The following ERAP1 variants were observed in gnomAD, a reference collection of about 807,000 sequenced individuals.
ERAP1 encodes the protein adipocyte-derived leucine aminopeptidase.
A neutral mutation model predicts 103.7 loss-of-function variants in ERAP1; 86 were observed. The observed-to-expected ratio is 0.83, with a 90% CI of 0.70 to 0.99. The LOEUF is 0.99. Among genes scored for constraint, ERAP1 ranks in the 50% least tolerant of loss-of-function variants. The probability of loss-of-function intolerance (pLI) is 0.00; values close to 1 mark genes in which losing one functional copy is unlikely to be tolerated. For synonymous variants in ERAP1, 398 were observed against 402.4 expected (o/e 0.99, Z 0.13); for missense variants, 1,009 against 1,128.4 (o/e 0.89, Z 1.52).
At chr5:96,882,453 A>G in the ERAP1 span, among the ~76,000 whole-genome samples, 1 of 152,218 alleles carries the variant, frequency 6.6e-6, no homozygotes, top group Non-Finnish European at 1.5e-5. Context: ...TCTGACATGT[A>G]TGATAATGTA....
the ERAP1 span, chr5:96,909,000 T>C: frequency 6.2e-7 from 1 of 1,614,206 alleles, no homozygotes; most frequent in Non-Finnish European, 8.5e-7. Flanking sequence ...TTGACATGAC[T>C]TACTACCTCC....
At chr5:96,838,896 C>T in the ERAP1 span, among the ~76,000 whole-genome samples, 1 of 152,160 alleles carries the variant, frequency 6.6e-6, no homozygotes, top group Non-Finnish European at 1.5e-5. Context: ...AAGTTAAGGG[C>T]ACAATCTCCT....
chr5:96,920,875 G>A, the ERAP1 span, among the ~76,000 whole-genome samples: 1 of 152,238 alleles, frequency 6.6e-6, no homozygotes, highest in African/African-American at 2.4e-5. Context: ...CGAAGCATAT[G>A]TGTATTTCAT....
chr5:96,908,873 T>C, the ERAP1 span: 1 of 1,334,868 alleles, frequency 7.5e-7, no homozygotes, highest in Non-Finnish European at 1.0e-6. Flanking sequence ...CTTCTGTTAT[T>C]GTTCTCTATT....
upstream of ERAP1, among the ~76,000 whole-genome samples, chr5:96,808,990 T>C (rs1362605378): frequency 1.3e-5 from 2 of 152,164 alleles, no homozygotes; most frequent in Non-Finnish European, 2.9e-5. Context: ...GGCTGTTGGT[T>C]GTCCATTTTT....
the ERAP1 span, among the ~76,000 whole-genome samples, chr5:96,845,089 GA>G: frequency 2.6e-5 from 4 of 152,102 alleles, no homozygotes; most frequent in African/African-American, 7.2e-5. Context: ...TTACTGGGGG[GA>G]AAACCAAGTT....
At chr5:96,912,728 A>G in the ERAP1 span, 1 of 1,603,460 alleles carries the variant, frequency 6.2e-7, no homozygotes, top group South Asian at 1.1e-5. Context: ...TGAACTGTCA[A>G]TGTCAAGTGC....
the ERAP1 span, among the ~76,000 whole-genome samples, chr5:96,839,721 T>C: frequency 6.6e-6 from 1 of 152,320 alleles, no homozygotes; most frequent in Non-Finnish European, 1.5e-5. Context: ...TGGACTTCTG[T>C]TAGCTCCTCA....
downstream of ERAP1, chr5:96,774,460 G>C: frequency 2.1e-6 from 2 of 969,224 alleles, no homozygotes; most frequent in South Asian, 9.5e-5. Flanking sequence ...AGTTAGGAGA[G>C]AGAAAATAAT....
chr5:96,781,747 TTCTCAGTACTGGACAAAGAAA>T lies in ERAP1; in HGVS notation c.2372_2392del (p.Phe791_Lys798delinsTer). 1 of 1,614,214 alleles carries T rather than the reference TTCTCAGTACTGGACAAAGAAA, an allele frequency of 6.2e-7. No individual in the cohort carries two copies. Among genetic ancestry groups the T allele is most frequent in the South Asian group, 1.1e-5 (1 of 91,084 alleles). ...GCAGAGGGCAAATTCAATTTGGCTT[TTCTCAGTACTGGACAAAGAAA>T]ACTGATATTTACTATAAAGAAAATC... is the stretch of plus-strand genomic sequence containing the variant. On this transcript the variant is annotated stop_gained and inframe_deletion, in exon 16 of 19. Coordinates refer to ENST00000443439, the MANE Select transcript of ERAP1 (RefSeq NM_001040458.3). LOFTEE classifies it high-confidence loss of function.
chr5:96,871,677 T>A, the ERAP1 span, among the ~76,000 whole-genome samples: 2 of 152,216 alleles, frequency 1.3e-5, no homozygotes, highest in Non-Finnish European at 2.9e-5. Flanking sequence ...TAAATAAAAA[T>A]TTTTAATGCT....
At chr5:96,828,232 C>T in the ERAP1 span, among the ~76,000 whole-genome samples, 3 of 152,218 alleles carry the variant, frequency 2.0e-5, no homozygotes, top group South Asian at 2.1e-4. Context: ...TCTAATTTAT[C>T]GGTCTTTTGT....
At chr5:96,872,379 A>C in the ERAP1 span, among the ~76,000 whole-genome samples, 1 of 151,562 alleles carries the variant, frequency 6.6e-6, no homozygotes, top group Non-Finnish European at 1.5e-5. Flanking sequence ...CAGGTGGATC[A>C]CTTGAGCTCA....
chr5:96,831,833 T>C, the ERAP1 span, among the ~76,000 whole-genome samples: 116,633 of 152,174 alleles, frequency 0.77, 45,832 homozygotes, highest in Non-Finnish European at 0.86. Flanking sequence ...TCTAGCCCTC[T>C]GCCTTGCCCA....
intron 11 of ERAP1, among the ~76,000 whole-genome samples, chr5:96,787,295 C>T (rs550135175): frequency 6.3e-4 from 96 of 152,202 alleles, no homozygotes; most frequent in Non-Finnish European, 1.1e-3. Context: ...GATGGAGTTT[C>T]GCTCTTGTTG....
Position 96,790,578 on chromosome 5 carries a change from T to C in ERAP1, c.1386A>G (p.Val462=). The change falls in exon 9 of 19, where the codon GTA becomes GTG. Residue 462 remains valine (V), a synonymous_variant. Coordinates refer to ENST00000443439, the MANE Select transcript of ERAP1 (RefSeq NM_001040458.3). ...LSADAFKSGI[V]QYLQKHSYKN... Reference sequence around the variant, plus strand: ...TATAGCTATGCTTCTGGAGATACTGTACAATACCACTTTTAAATGCGTCAG... The same window carrying C: ...TATAGCTATGCTTCTGGAGATACTGCACAATACCACTTTTAAATGCGTCAG... 1 of 1,613,012 alleles carries C rather than the reference T, an allele frequency of 6.2e-7. No individual in the cohort carries two copies. The highest frequency in any genetic ancestry group is 8.5e-7 in the Non-Finnish European group (1 of 1,178,952).
At chr5:96,833,422 C>A in the ERAP1 span, among the ~76,000 whole-genome samples, 1 of 152,218 alleles carries the variant, frequency 6.6e-6, no homozygotes, top group South Asian at 2.1e-4. Context: ...TTACTGATAT[C>A]AAAAGGGTTT....
downstream of ERAP1, chr5:96,772,526 A>G (rs1411874152): frequency 6.5e-6 from 1 of 152,760 alleles, no homozygotes; most frequent in Non-Finnish European, 1.5e-5. Context: ...TACTTATAGG[A>G]AATTCCTTCT....
chr5:96,779,532 C>G (rs1774853372), intron 18 of ERAP1: 2 of 152,240 alleles, frequency 1.3e-5, no homozygotes, highest in African/African-American at 4.8e-5. Context: ...CCAAAGCTCT[C>G]TCCCCATCTC....
Sources: allele counts gnomAD v4.1 joint callset (sites outside exome capture counted in the v4.1 genomes callset), GRCh38; gene constraint gnomAD v4.1.1; transcripts MANE v1.5; gene names NCBI Gene and HGNC (gene_info 2026-07-23, HGNC 2026-07-21).